The following RYR2 variants were observed in gnomAD, a reference collection of about 807,000 sequenced individuals.
The protein encoded by RYR2 is ryanodine receptor 2.
In RYR2, 227 loss-of-function variants were observed where a neutral mutation model predicts 601.1. That is an observed-to-expected ratio of 0.38 (90% CI 0.34 to 0.42). The LOEUF is 0.42. RYR2 is among the 10% of genes least tolerant of loss of function. The pLI is 1.00. For missense variants in RYR2, 4,646 were observed against 6,156.5 expected, an observed-to-expected ratio of 0.75 and a Z score of 8.21; for synonymous variants, 2,223 against 2,175.1, an observed-to-expected ratio of 1.02 and a Z score of -0.61.
At chr1:237,399,101 A>T (rs1703113605) in intron 10 of RYR2, among the ~76,000 whole-genome samples, 2 of 152,192 alleles carry the variant, frequency 1.3e-5, no homozygotes, top group Admixed American at 1.3e-4. Context: ...AGCCTGAGGC[A>T]GTAGAATCAC....
chr1:237,151,409 C>T (rs769904146), intron 1 of RYR2, among the ~76,000 whole-genome samples: 11 of 152,084 alleles, frequency 7.2e-5, no homozygotes, highest in South Asian at 2.1e-4. Flanking sequence ...CATAAGACAC[C>T]CCTCAACATG....
chr1:237,152,661 A>G (rs1420460744), intron 1 of RYR2, among the ~76,000 whole-genome samples: 1 of 152,174 alleles, frequency 6.6e-6, no homozygotes, highest in Non-Finnish European at 1.5e-5. Context: ...TTAACTCAAG[A>G]TGGATTAAAG....
intron 17 of RYR2, among the ~76,000 whole-genome samples, chr1:237,487,556 CAA>C (rs770034115): frequency 4.4e-4 from 18 of 40,624 alleles, no homozygotes; most frequent in Admixed American, 6.0e-4. Context: ...CCCGTCTCTA[CAA>C]AAAAAAAAAA....
At chr1:237,691,266 T>G (rs74503433) in intron 63 of RYR2, among the ~76,000 whole-genome samples, 2 of 152,056 alleles carry the variant, frequency 1.3e-5, no homozygotes, top group African/African-American at 4.8e-5. Context: ...TTTGTGATGA[T>G]CAGAGAAGGT....
chr1:237,384,853 G>A (rs1701837226), intron 8 of RYR2, among the ~76,000 whole-genome samples: 1 of 151,884 alleles, frequency 6.6e-6, no homozygotes, highest in African/African-American at 2.4e-5. Context: ...CATTTTTAAA[G>A]GCTTTTTCCT....
chr1:237,180,719 C>CATAGCAT lies in RYR2; in HGVS notation c.49-89775_49-89774insGCATATA, dbSNP rs1432867322. Among the ~76,000 whole-genome samples, 1 of 146,308 alleles carries CATAGCAT rather than the reference C, an allele frequency of 6.8e-6. No homozygotes were observed. The highest frequency in any genetic ancestry group is 1.5e-5 in the Non-Finnish European group (1 of 66,864). On this transcript the variant is annotated intron_variant, in intron 1 of 104. Transcript: ENST00000366574. The surrounding 1 kb of genome is among the most constrained non-coding windows in gnomAD (Gnocchi z 5.3). ...ATATAAGTATATATACACATATATACATATACATAGATATATGCTATTATA... is the reference window on the plus strand; with the variant it reads ...ATATAAGTATATATACACATATATACATAGCATATATACATAGATATATGCTATTATA...
At chr1:237,132,345 G>A (rs1672253370) in intron 1 of RYR2, among the ~76,000 whole-genome samples, 1 of 152,216 alleles carries the variant, frequency 6.6e-6, no homozygotes, top group Non-Finnish European at 1.5e-5. Context: ...AGTCCTGGAT[G>A]ACTCCATATT....
intron 27 of RYR2, among the ~76,000 whole-genome samples, chr1:237,559,213 G>A (rs374750238): frequency 7.2e-5 from 11 of 152,034 alleles, no homozygotes; most frequent in African/African-American, 2.7e-4. Context: ...CAAAATCCAG[G>A]GAGTGTTTAT....
At chr1:237,526,638 T>G (rs917001364) in intron 24 of RYR2, among the ~76,000 whole-genome samples, 1 of 152,180 alleles carries the variant, frequency 6.6e-6, no homozygotes, top group Non-Finnish European at 1.5e-5. Context: ...TGAACCACCA[T>G]GCCTGACCCT....
At chr1:237,618,385 A>G (rs1346951580) in intron 38 of RYR2, among the ~76,000 whole-genome samples, 1 of 152,158 alleles carries the variant, frequency 6.6e-6, no homozygotes, top group African/African-American at 2.4e-5. Context: ...TTTAAGTACA[A>G]CTAAAACCCT....
intron 80 of RYR2, among the ~76,000 whole-genome samples, chr1:237,752,443 C>G (rs1289584335): frequency 2.0e-5 from 3 of 150,702 alleles, no homozygotes; most frequent in Non-Finnish European, 1.5e-5. Context: ...AGCCACCATG[C>G]CTGGCTCATT....
chr1:237,095,581 A>G (rs993109209), intron 1 of RYR2, among the ~76,000 whole-genome samples: 1 of 152,228 alleles, frequency 6.6e-6, no homozygotes, highest in African/African-American at 2.4e-5. Context: ...AAGGCAAGCT[A>G]CAGAGCATCC....
chr1:237,188,134 A>G (rs1025516502), intron 1 of RYR2, among the ~76,000 whole-genome samples: 1 of 152,208 alleles, frequency 6.6e-6, no homozygotes, highest in African/African-American at 2.4e-5. Flanking sequence ...AGGTGAAGGA[A>G]GGTAATTTTG....
At chr1:237,217,297 A>G (rs944201801) in intron 1 of RYR2, among the ~76,000 whole-genome samples, 5 of 150,992 alleles carry the variant, frequency 3.3e-5, no homozygotes, top group Admixed American at 6.6e-5. Context: ...TTGTTGATCT[A>G]TGCACCTTCT....
At chr1:237,273,554 G>GGA (rs3086027) in intron 2 of RYR2, among the ~76,000 whole-genome samples, 74,525 of 151,796 alleles carry the variant, frequency 0.49, 20,241 homozygotes, top group East Asian at 0.78. Flanking sequence ...TGGTTTTAGG[G>GGA]GAGAGTGTCT....
At position 237,095,147 on chromosome 1, in the gene RYR2, T is replaced by C. The variant is rs528980724; in HGVS notation, c.48+52578T>C. ...GTGAGCCTTTTCTCCCTTCAGTATTTTTTCCTAAAAGTGTTAGAGACAACA... is the reference window on the plus strand; with the variant it reads ...GTGAGCCTTTTCTCCCTTCAGTATTCTTTCCTAAAAGTGTTAGAGACAACA... On this transcript the variant is annotated intron_variant, in intron 1 of 104. Coordinates refer to ENST00000366574, the MANE Select transcript of RYR2 (RefSeq NM_001035.3). Among the ~76,000 whole-genome samples the C allele has an allele frequency of 8.5e-5, 13 of 152,340 alleles. No individual in the cohort carries two copies. The East Asian group carries it at 2.5e-3, about 29-fold the overall frequency.
chr1:237,782,422 C>T (rs966982271), intron 89 of RYR2, among the ~76,000 whole-genome samples: 6 of 152,256 alleles, frequency 3.9e-5, no homozygotes, highest in South Asian at 2.1e-4. Context: ...TTTGGTATTA[C>T]GGTGCCTATC....
chr1:237,730,666 ACC>A (rs1690598920), intron 77 of RYR2, among the ~76,000 whole-genome samples: 1 of 152,158 alleles, frequency 6.6e-6, no homozygotes. Context: ...ACACCTGAGA[ACC>A]AGGATAGACT....
intron 1 of RYR2, among the ~76,000 whole-genome samples, chr1:237,196,927 TC>T (rs1680639140): frequency 6.6e-6 from 1 of 152,172 alleles, no homozygotes; most frequent in Non-Finnish European, 1.5e-5. Context: ...TTTATTTTGT[TC>T]CTGTTTAAAG....
Sources: gnomAD v4.1 joint callset for allele counts (sites outside exome capture counted in the v4.1 genomes callset) on GRCh38, gnomAD v4.1.1 for gene constraint, Gnocchi (gnomAD v3.1) non-coding constraint, MANE v1.5 for transcripts, NCBI Gene and HGNC (gene_info 2026-07-23, HGNC 2026-07-21) for gene names.